RIT2: variants seen among roughly 807,000 people sequenced by gnomAD.
RIT2 encodes the protein GTP-binding protein Rit2.
A neutral mutation model predicts 23.7 loss-of-function variants in RIT2; 24 were observed. The observed-to-expected ratio is 1.01, with a 90% CI of 0.73 to 1.43. The LOEUF is 1.43. RIT2 is among the 40% of genes most tolerant of loss of function. The probability of loss-of-function intolerance (pLI) is 0.00; values close to 1 mark genes in which losing one functional copy is unlikely to be tolerated. For missense variants in RIT2, 236 were observed against 266.9 expected, an observed-to-expected ratio of 0.88 and a Z score of 0.81; for synonymous variants, 107 against 91.1, an observed-to-expected ratio of 1.17 and a Z score of -0.99.
chr18:43,056,867 G>T (rs189534029), intron 1 of RIT2, among the ~76,000 whole-genome samples: 127 of 152,082 alleles, frequency 8.4e-4, no homozygotes, highest in African/African-American at 2.8e-3. Context: ...ATTGACCTCA[G>T]CAAACAAAGC....
At chr18:42,772,842 G>A (rs1318887241) in intron 4 of RIT2, among the ~76,000 whole-genome samples, 1 of 152,148 alleles carries the variant, frequency 6.6e-6, no homozygotes, top group Non-Finnish European at 1.5e-5. Flanking sequence ...GGGGTAGTTG[G>A]AAATGATTTT....
chr18:43,026,616 G>GAAAGAA (rs1242356223), intron 2 of RIT2, among the ~76,000 whole-genome samples: 2 of 141,368 alleles, frequency 1.4e-5, no homozygotes, highest in African/African-American at 5.1e-5. Context: ...AAGAAAGAAA[G>GAAAGAA]AAAGAAAGAA....
intron 3 of RIT2, among the ~76,000 whole-genome samples, chr18:42,958,955 T>G (rs780423391): frequency 2.0e-5 from 3 of 152,208 alleles, no homozygotes; most frequent in Admixed American, 1.3e-4. Context: ...ATAGTTTTTA[T>G]TTCCTCCCTT....
At chr18:42,960,424 C>A (rs1910069701) in intron 3 of RIT2, among the ~76,000 whole-genome samples, 1 of 152,160 alleles carries the variant, frequency 6.6e-6, no homozygotes, top group Non-Finnish European at 1.5e-5. Flanking sequence ...AAGCAATTTT[C>A]CTGCCTCTGC....
intron 4 of RIT2, among the ~76,000 whole-genome samples, chr18:42,756,345 C>A (rs747820683): frequency 6.6e-6 from 1 of 152,058 alleles, no homozygotes; most frequent in Non-Finnish European, 1.5e-5. Context: ...TTCTGAGACA[C>A]GGGATGGTAA....
At chr18:42,785,218 C>T (rs985461684) in intron 4 of RIT2, among the ~76,000 whole-genome samples, 2 of 151,982 alleles carry the variant, frequency 1.3e-5, no homozygotes, top group Non-Finnish European at 2.9e-5. Flanking sequence ...CTAAAAGATG[C>T]TATCTATGGA....
chr18:42,921,565 A>G (rs1380288883), intron 4 of RIT2, among the ~76,000 whole-genome samples: 2 of 152,172 alleles, frequency 1.3e-5, no homozygotes, highest in Non-Finnish European at 2.9e-5. Context: ...CTGGTAAGAC[A>G]GGGCCTGGAG....
At chr18:42,843,242 G>A (rs560619728) in intron 4 of RIT2, among the ~76,000 whole-genome samples, 50 of 152,250 alleles carry the variant, frequency 3.3e-4, no homozygotes, top group Admixed American at 2.9e-3. Context: ...GTCTTGTGGA[G>A]CATTATTCGA....
chr18:43,012,675 T>A (rs1017554516), intron 2 of RIT2, among the ~76,000 whole-genome samples: 1 of 151,734 alleles, frequency 6.6e-6, no homozygotes, highest in Non-Finnish European at 1.5e-5. Context: ...AAATAAGGGC[T>A]ATAATATAGT....
intron 4 of RIT2, among the ~76,000 whole-genome samples, chr18:42,885,727 A>G (rs1043207579): frequency 6.6e-6 from 1 of 152,220 alleles, no homozygotes; most frequent in Non-Finnish European, 1.5e-5. Context: ...AGGACTTTCC[A>G]TGGAGATATT....
chr18:42,992,979 G>A (rs11662637), intron 2 of RIT2, among the ~76,000 whole-genome samples: 79,332 of 152,036 alleles, frequency 0.52, 24,374 homozygotes, highest in Non-Finnish European at 0.7. Context: ...CCCACAACAG[G>A]ACTTAATCAA....
At chr18:42,923,844 A>C (rs1365643947) in intron 3 of RIT2, 81 bp from the exon 4 acceptor site, 1 of 1,121,152 alleles carries the variant, frequency 8.9e-7, no homozygotes, top group African/African-American at 1.6e-5. Context: ...ATCATTATGA[A>C]ATTTGAATGT....
intron 2 of RIT2, among the ~76,000 whole-genome samples, chr18:43,003,781 C>CAT (rs1911163861): frequency 1.4e-5 from 2 of 141,524 alleles, no homozygotes; most frequent in African/African-American, 6.1e-5. Flanking sequence ...CACACACACA[C>CAT]ACACACACAC....
chr18:42,953,580 A>G (rs1252766212), intron 3 of RIT2, among the ~76,000 whole-genome samples: 4 of 152,202 alleles, frequency 2.6e-5, no homozygotes, highest in African/African-American at 9.6e-5. Flanking sequence ...CAAGAATAAC[A>G]GGAACCCCTT....
intron 4 of RIT2, among the ~76,000 whole-genome samples, chr18:42,752,157 CA>C (rs997328302): frequency 3.9e-5 from 6 of 152,082 alleles, no homozygotes; most frequent in Non-Finnish European, 7.4e-5. Context: ...GCAACAGCAT[CA>C]GAGGGAGTAA....
chr18:42,931,649 C>T (rs758284539), intron 3 of RIT2, among the ~76,000 whole-genome samples: 7 of 152,080 alleles, frequency 4.6e-5, no homozygotes, highest in Non-Finnish European at 8.8e-5. Flanking sequence ...TATTTTTAAT[C>T]GCAGCTGGCT....
chr18:42,999,256 ATCTT>A (rs935828499), intron 2 of RIT2, among the ~76,000 whole-genome samples: 8 of 152,050 alleles, frequency 5.3e-5, no homozygotes, highest in African/African-American at 1.9e-4. Flanking sequence ...ATAAAAAAAA[ATCTT>A]TCATTACTCG....
intron 3 of RIT2, among the ~76,000 whole-genome samples, chr18:42,934,765 A>G (rs1245046791): frequency 1.3e-5 from 2 of 152,172 alleles, no homozygotes; most frequent in African/African-American, 2.4e-5. Flanking sequence ...ATAATTTTAA[A>G]CAATGCTTTT....
rs558691565 is a variant in RIT2 at position 43,092,197 on chromosome 18, C to A, written c.103+23220G>T. On this transcript the variant is annotated intron_variant, in intron 1 of 4. Transcript: ENST00000326695. ...AGATTGTAGATGCCCATGCAGTTAC[C>A]TCTCCCCAGGAAACATGCTTTTAGC... Among the ~76,000 whole-genome samples, 29 of 152,182 alleles carry A rather than the reference C, an allele frequency of 1.9e-4. No individual in the cohort carries two copies. The Middle Eastern group carries it at 0.014, about 71-fold the overall frequency.
Sources: gnomAD v4.1 joint callset for allele counts (sites outside exome capture counted in the v4.1 genomes callset) on GRCh38, gnomAD v4.1.1 for gene constraint, MANE v1.5 for transcripts, NCBI Gene and HGNC (gene_info 2026-07-23, HGNC 2026-07-21) for gene names.